The following STXBP5L variants were observed in gnomAD, a reference collection of about 807,000 sequenced individuals.
STXBP5L encodes syntaxin binding protein 5L, also known as syntaxin-binding protein 5-like.
Under a neutral mutation model 144.5 loss-of-function variants are expected in STXBP5L, and 65 were observed. The observed-to-expected ratio is 0.45, with a 90% CI of 0.37 to 0.55. The LOEUF (loss-of-function observed/expected upper bound fraction) is 0.55, where lower values mean the gene tolerates loss of function less well. STXBP5L is among the 20% of genes least tolerant of loss of function. The pLI is 0.00. For missense variants in STXBP5L, 1,298 were observed against 1,405.5 expected, an observed-to-expected ratio of 0.92 and a Z score of 1.22; for synonymous variants, 505 against 469.6, an observed-to-expected ratio of 1.08 and a Z score of -0.97.
intron 3 of STXBP5L, among the ~76,000 whole-genome samples, chr3:121,030,501 GGC>G (rs1371467923): frequency 1.3e-5 from 2 of 152,084 alleles, no homozygotes; most frequent in East Asian, 3.9e-4. Flanking sequence ...GATACAGCAT[GGC>G]GAACATCACA....
intron 9 of STXBP5L, among the ~76,000 whole-genome samples, chr3:121,199,868 T>C (rs2048070630): frequency 6.6e-6 from 1 of 152,168 alleles, no homozygotes; most frequent in Non-Finnish European, 1.5e-5. Flanking sequence ...TTTGATGTGC[T>C]GCTGGATTTG....
At position 121,033,544 on chromosome 3, in the gene STXBP5L, A is replaced by T. The variant is rs538620078; in HGVS notation, c.288-8156A>T. Among the ~76,000 whole-genome samples the T allele has an allele frequency of 2.8e-4, 40 of 142,130 alleles. No homozygotes were observed. The South Asian group carries it at 8.4e-3, about 30-fold the overall frequency. 93.2% of individuals were successfully genotyped at this position (142,130 alleles called of 152,430 possible). A position where few individuals can be genotyped will look rare whatever the true frequency, so the allele number is the denominator to read the frequency against. On this transcript the variant is annotated intron_variant, in intron 3 of 26. Transcript: ENST00000471454. ...TATGTAACTAACCTGCACAATGTGA[A>T]CATGTACCCTAAAACTTAAAGTACA...
At chr3:121,380,464 A>C (rs1353089150) in intron 21 of STXBP5L, among the ~76,000 whole-genome samples, 1 of 152,160 alleles carries the variant, frequency 6.6e-6, no homozygotes, top group Non-Finnish European at 1.5e-5. Context: ...AAATCTGAAG[A>C]ACTTGTACTC....
At chr3:121,043,811 C>A (rs1393485013) in intron 4 of STXBP5L, among the ~76,000 whole-genome samples, 1 of 152,142 alleles carries the variant, frequency 6.6e-6, no homozygotes, top group Non-Finnish European at 1.5e-5. Flanking sequence ...AATAACATTG[C>A]CTTTGGCATG....
chr3:121,111,787 A>T (rs2043998377), intron 5 of STXBP5L, among the ~76,000 whole-genome samples: 1 of 152,182 alleles, frequency 6.6e-6, no homozygotes. Flanking sequence ...AATCCCACTC[A>T]TCTGCACTTC....
intron 19 of STXBP5L, among the ~76,000 whole-genome samples, chr3:121,290,270 T>A (rs1003713843): frequency 1.3e-5 from 2 of 152,002 alleles, no homozygotes; most frequent in African/African-American, 4.8e-5. Flanking sequence ...ACTACTATCA[T>A]CACCTTTATG....
In STXBP5L at chr3:121,418,479, A is replaced by G; in HGVS notation, c.3369A>G (p.Gly1123=). The G allele has an allele frequency of 1.2e-6, 2 of 1,614,120 alleles. No homozygotes were observed. The highest frequency in any genetic ancestry group is 1.7e-6 in the Non-Finnish European group (2 of 1,179,986). ...TRARIALDER[G]QRLGELEEKT... is the part of the protein sequence containing the mutation. ...CACGGATTGCACTTGATGAAAGAGG[A>G]CAGAGGCTAGGAGAGCTGGAAGAGA... Residue 1123 remains glycine (G), a synonymous_variant, in exon 26 of 27, where the codon GGA becomes GGG. Transcript: ENST00000471454.
chr3:121,205,151 G>A (rs1425309468), intron 9 of STXBP5L, among the ~76,000 whole-genome samples: 1 of 152,134 alleles, frequency 6.6e-6, no homozygotes, highest in African/African-American at 2.4e-5. Context: ...GATTGTCATT[G>A]TTGTCCTAGT....
At chr3:121,345,859 C>A (rs1178238082) in intron 20 of STXBP5L, among the ~76,000 whole-genome samples, 1 of 151,960 alleles carries the variant, frequency 6.6e-6, no homozygotes, top group Non-Finnish European at 1.5e-5. Context: ...AAGGAAATGT[C>A]ACCTGCCTCC....
chr3:121,319,465 T>A (rs886199781), intron 20 of STXBP5L, among the ~76,000 whole-genome samples: 104 of 152,202 alleles, frequency 6.8e-4, no homozygotes, highest in African/African-American at 2.4e-3. Flanking sequence ...TTCAGGAATC[T>A]AGGCTATGTA....
At chr3:120,926,414 G>A (rs899538816) in intron 2 of STXBP5L, among the ~76,000 whole-genome samples, 2 of 146,808 alleles carry the variant, frequency 1.4e-5, no homozygotes, top group Non-Finnish European at 3.0e-5. Context: ...CCATTGAGAA[G>A]TCTGAATGGA....
intron 9 of STXBP5L, among the ~76,000 whole-genome samples, chr3:121,168,001 G>A (rs868751488): frequency 1.2e-4 from 19 of 152,258 alleles, no homozygotes; most frequent in East Asian, 9.7e-4. Flanking sequence ...AGCAATCTTC[G>A]CTGTTCTGCA....
intron 22 of STXBP5L, among the ~76,000 whole-genome samples, chr3:121,401,879 AAAC>A: frequency 1.1e-5 from 1 of 91,622 alleles, no homozygotes; most frequent in Middle Eastern, 4.6e-3. Flanking sequence ...ATGTACCCTA[AAAC>A]TTAGAGTATA....
intron 2 of STXBP5L, among the ~76,000 whole-genome samples, chr3:120,952,447 G>T (rs111443740): frequency 6.6e-6 from 1 of 151,624 alleles, no homozygotes; most frequent in Non-Finnish European, 1.5e-5. Flanking sequence ...TTATAAATGG[G>T]GTTCTTTATT....
At chr3:120,922,967 T>C (rs1709429311) in intron 2 of STXBP5L, among the ~76,000 whole-genome samples, 1 of 151,986 alleles carries the variant, frequency 6.6e-6, no homozygotes, top group South Asian at 2.1e-4. Context: ...AATTCATCAA[T>C]GAAACCATCA....
chr3:121,108,467 T>C (rs2043819147), intron 5 of STXBP5L, among the ~76,000 whole-genome samples: 1 of 152,232 alleles, frequency 6.6e-6, no homozygotes, highest in South Asian at 2.1e-4. Flanking sequence ...TCTATTAAGA[T>C]AATCCTGTGG....
chr3:121,140,333 T>G (rs914964821), intron 7 of STXBP5L, among the ~76,000 whole-genome samples: 1 of 152,104 alleles, frequency 6.6e-6, no homozygotes, highest in African/African-American at 2.4e-5. Flanking sequence ...GTATGGAGAT[T>G]CCTCAAATTA....
At chr3:121,243,505 T>C (rs338957) in intron 14 of STXBP5L, among the ~76,000 whole-genome samples, 73,933 of 145,556 alleles carry the variant, frequency 0.51, 18,565 homozygotes, top group East Asian at 0.74. Flanking sequence ...AAATAAAGCA[T>C]ACAAAGAGAC....
intron 23 of STXBP5L, among the ~76,000 whole-genome samples, chr3:121,409,853 C>T (rs1392832879): frequency 6.6e-6 from 1 of 151,636 alleles, no homozygotes; most frequent in African/African-American, 2.4e-5. Context: ...TTTATGGGCC[C>T]TTTTCCCCTG....
Sources: allele counts gnomAD v4.1 joint callset (sites outside exome capture counted in the v4.1 genomes callset), GRCh38; gene constraint gnomAD v4.1.1; transcripts MANE v1.5; gene names NCBI Gene and HGNC (gene_info 2026-07-23, HGNC 2026-07-21).